The following GPD2 variants were observed in gnomAD, a reference collection of about 807,000 sequenced individuals.
GPD2 encodes the protein glycerol-3-phosphate dehydrogenase 2.
Under a neutral mutation model 82.4 loss-of-function variants are expected in GPD2, and 54 were observed. The ratio of observed to expected loss-of-function variants is 0.66; its 90% CI spans 0.53 to 0.82. GPD2 has a LOEUF of 0.82. GPD2 is among the 40% of genes least tolerant of loss of function. The pLI is 0.00. For missense variants in GPD2, 748 were observed against 896.2 expected, an observed-to-expected ratio of 0.83 and a Z score of 2.11; for synonymous variants, 288 against 306.1, an observed-to-expected ratio of 0.94 and a Z score of 0.62.
At chr2:156,482,208 T>C (rs572112931) in intron 2 of GPD2, among the ~76,000 whole-genome samples, 3 of 152,230 alleles carry the variant, frequency 2.0e-5, no homozygotes, top group Non-Finnish European at 4.4e-5. Flanking sequence ...GCAAATGATA[T>C]ATCCTTCATT....
chr2:156,456,862 C>T (rs1481472947), intron 1 of GPD2, among the ~76,000 whole-genome samples: 1 of 152,006 alleles, frequency 6.6e-6, no homozygotes, highest in Middle Eastern at 3.2e-3. Context: ...GTGGTTTGGG[C>T]GACACAGTGG....
chr2:156,542,843 T>G (rs1302030119), intron 6 of GPD2, among the ~76,000 whole-genome samples: 1 of 152,188 alleles, frequency 6.6e-6, no homozygotes, highest in African/African-American at 2.4e-5. Context: ...CTCCTCTGTT[T>G]TTCCCTTTAT....
At chr2:156,450,440 T>C (rs1272079884) in intron 1 of GPD2, among the ~76,000 whole-genome samples, 1 of 151,766 alleles carries the variant, frequency 6.6e-6, no homozygotes, top group African/African-American at 2.4e-5. Flanking sequence ...GAAGGAGGAG[T>C]TGCCAGTGGG....
intron 2 of GPD2, among the ~76,000 whole-genome samples, chr2:156,493,250 A>G (rs1378387021): frequency 6.6e-6 from 1 of 152,118 alleles, no homozygotes; most frequent in Non-Finnish European, 1.5e-5. Flanking sequence ...TCATTTGTGC[A>G]TTTATTGGAT....
intron 2 of GPD2, among the ~76,000 whole-genome samples, chr2:156,481,760 G>A (rs1028089535): frequency 6.6e-6 from 1 of 151,902 alleles, no homozygotes; most frequent in Non-Finnish European, 1.5e-5. Context: ...GATCACAGAC[G>A]TGAGTCATTG....
At chr2:156,452,516 A>C (rs994741614) in intron 1 of GPD2, among the ~76,000 whole-genome samples, 4 of 152,226 alleles carry the variant, frequency 2.6e-5, no homozygotes, top group African/African-American at 7.2e-5. Flanking sequence ...TCGGCTCGGC[A>C]TCAGAGGGAG....
intron 6 of GPD2, among the ~76,000 whole-genome samples, chr2:156,543,995 A>G (rs925722169): frequency 6.6e-6 from 1 of 152,224 alleles, no homozygotes; most frequent in African/African-American, 2.4e-5. Context: ...AAAATTGGCT[A>G]CATTGCCTAT....
chr2:156,520,527 TTTTA>T (rs1290815483), intron 6 of GPD2, among the ~76,000 whole-genome samples: 5 of 151,264 alleles, frequency 3.3e-5, no homozygotes, highest in African/African-American at 7.3e-5. Context: ...TATTGTTCAG[TTTTA>T]TTTATTTATT....
chr2:156,492,997 A>G (rs1684239456), intron 2 of GPD2, among the ~76,000 whole-genome samples: 3 of 152,226 alleles, frequency 2.0e-5, no homozygotes, highest in Admixed American at 1.3e-4. Context: ...ATGGTGGAAC[A>G]AAATTAGAAA....
At position 156,583,103 on chromosome 2, in the gene GPD2, A is replaced by G. The variant is rs1688088922; in HGVS notation, c.*185A>G. 7.6e-6 allele frequency: 5 copies of G among 656,616 alleles called. No homozygotes were observed. Among genetic ancestry groups the G allele is most frequent in the African/African-American group, 1.8e-5 (1 of 54,984 alleles). 40.7% of individuals were successfully genotyped at this position (656,616 alleles called of 1,614,324 possible). On this transcript the variant is annotated 3_prime_UTR_variant, in exon 17 of 17. Transcript: ENST00000438166. ...GCTTTATTTGCTGTACTTTATTTGTATTTGCCATTCAGTCTAGCTTTTAAG... is the reference window on the plus strand; with the variant it reads ...GCTTTATTTGCTGTACTTTATTTGTGTTTGCCATTCAGTCTAGCTTTTAAG...
chr2:156,577,869 A>G (rs1687882701), intron 13 of GPD2, among the ~76,000 whole-genome samples: 1 of 152,178 alleles, frequency 6.6e-6, no homozygotes, highest in Non-Finnish European at 1.5e-5. Flanking sequence ...TTCTTATGGC[A>G]CAGGAGTAAG....
intron 16 of GPD2, among the ~76,000 whole-genome samples, chr2:156,580,568 A>G (rs886630992): frequency 6.6e-6 from 1 of 152,166 alleles, no homozygotes; most frequent in Non-Finnish European, 1.5e-5. Context: ...TTGGGCAGGT[A>G]TTTCAAATGA....
chr2:156,570,297 A>T (rs964051591), intron 12 of GPD2, 79 bp downstream of exon 12: 1 of 1,343,338 alleles, frequency 7.4e-7, no homozygotes, highest in Non-Finnish European at 1.1e-6. Flanking sequence ...TTTAAAAATT[A>T]TATGTAGCTA....
intron 3 of GPD2, among the ~76,000 whole-genome samples, chr2:156,496,796 A>G (rs1437757448): frequency 3.3e-5 from 5 of 152,192 alleles, no homozygotes; most frequent in Non-Finnish European, 7.3e-5. Context: ...AGTCAATGGT[A>G]GAAAAATTTA....
At chr2:156,455,716 G>T (rs1437578858) in intron 1 of GPD2, among the ~76,000 whole-genome samples, 4 of 151,460 alleles carry the variant, frequency 2.6e-5, no homozygotes, top group Non-Finnish European at 4.4e-5. Flanking sequence ...TCCTTCAGGG[G>T]TAAGTAATCC....
chr2:156,504,205 G>A lies in GPD2; in HGVS notation c.275-6591G>A, dbSNP rs13012464. Among the ~76,000 whole-genome samples the A allele has an allele frequency of 3.9e-5, 6 of 151,990 alleles. No homozygotes were observed. The South Asian group carries it at 1.0e-3, about 26-fold the overall frequency. ...AAATACCAGGCCAAAGCATTGTATC[G>A]TGATCGTGAGGATTAACAAGTCAGG... On this transcript the variant is annotated intron_variant, in intron 3 of 16. Coordinates refer to ENST00000438166, the MANE Select transcript of GPD2 (RefSeq NM_000408.5).
At chr2:156,570,040 G>A in intron 11 of GPD2, 47 bp from the exon 12 acceptor site, 3 of 1,571,006 alleles carry the variant, frequency 1.9e-6, no homozygotes, top group Non-Finnish European at 2.6e-6. Flanking sequence ...GTGCCTAGAA[G>A]CTATTGATAT....
At position 156,508,415 on chromosome 2, in the gene GPD2, C is replaced by G. The variant is rs376764010; in HGVS notation, c.275-2381C>G. On this transcript the variant is annotated intron_variant, in intron 3 of 16. Coordinates refer to ENST00000438166, the MANE Select transcript of GPD2 (RefSeq NM_000408.5). ...TGCTCATTAGAAGAAAGGTGCTAGTCTAGCCCACACTCCAGGGCAGGGGGT... is the reference window on the plus strand; with the variant it reads ...TGCTCATTAGAAGAAAGGTGCTAGTGTAGCCCACACTCCAGGGCAGGGGGT... Among the ~76,000 whole-genome samples the G allele has an allele frequency of 5.3e-5, 8 of 152,112 alleles. No homozygotes were observed. The East Asian group carries it at 1.5e-3, about 29-fold the overall frequency.
At chr2:156,483,251 G>C (rs1319616473) in intron 2 of GPD2, among the ~76,000 whole-genome samples, 2 of 152,196 alleles carry the variant, frequency 1.3e-5, no homozygotes, top group Non-Finnish European at 2.9e-5. Flanking sequence ...TGTCTGTTAT[G>C]TGAATGTGGC....
Sources: allele counts gnomAD v4.1 joint callset (sites outside exome capture counted in the v4.1 genomes callset), GRCh38; gene constraint gnomAD v4.1.1; transcripts MANE v1.5; gene names NCBI Gene and HGNC (gene_info 2026-07-23, HGNC 2026-07-21).